Variants in AUTS2 observed in about 807,000 individuals in gnomAD.
AUTS2 encodes autism susceptibility gene 2 protein.
AUTS2 carries 17 observed loss-of-function variants against 112.4 expected under a neutral mutation model. The observed-to-expected ratio is 0.15, with a 90% CI of 0.10 to 0.23. The LOEUF (loss-of-function observed/expected upper bound fraction) is 0.23, where lower values mean the gene tolerates loss of function less well. Among genes scored for constraint, AUTS2 ranks in the 10% least tolerant of loss-of-function variants. The pLI, the probability that AUTS2 is intolerant of heterozygous loss-of-function variation, is 1.00. For synonymous variants in AUTS2, 751 were observed against 702.7 expected, an observed-to-expected ratio of 1.07 and a Z score of -1.09; for missense variants, 1,510 against 1,701.6, an observed-to-expected ratio of 0.89 and a Z score of 1.98.
chr7:70,137,635 C>T (rs865900392), intron 4 of AUTS2, among the ~76,000 whole-genome samples: 4 of 152,062 alleles, frequency 2.6e-5, no homozygotes, highest in Admixed American at 1.3e-4. Flanking sequence ...GACCTTGGTC[C>T]GGTTATTTTA....
rs1791902472 is a variant in AUTS2 at position 70,790,871 on chromosome 7, G to A, written c.3655G>A (p.Ala1219Thr). ...NKTPPTAALS[A>T]PPPLISTLGG... ...GACCCCTCCGACAGCAGCGCTGAGC[G>A]CACCTCCCCCGCTCATCTCCACGCT... Residue 1219 changes from alanine (A) to threonine (T), a missense_variant, in exon 19 of 19, where the codon GCA becomes ACA. Physicochemically the swap from Ala to Thr is moderately conservative, Grantham distance 58. Coordinates refer to ENST00000342771, the MANE Select transcript of AUTS2 (RefSeq NM_015570.4). The surrounding 1 kb of genome is among the most constrained non-coding windows in gnomAD (Gnocchi z 7.6). 1.9e-6 allele frequency: 3 copies of A among 1,604,632 alleles called. No individual in the cohort carries two copies. The highest frequency in any genetic ancestry group is 8.5e-7 in the Non-Finnish European group (1 of 1,175,202).
Position 70,615,604 on chromosome 7 carries a change from G to GTT in AUTS2, c.691-82965_691-82964insTT, listed in dbSNP as rs59395515. On this transcript the variant is annotated intron_variant, in intron 5 of 18. Transcript: ENST00000342771. ...TGTTGTTGTTGTTGTTGTTGTTGTTGGAAAAGCATTTATTCTCTTTAGGAG... is the reference window on the plus strand; with the variant it reads ...TGTTGTTGTTGTTGTTGTTGTTGTTGTTGAAAAGCATTTATTCTCTTTAGGAG... Among the ~76,000 whole-genome samples, 478 of 148,922 alleles carry GTT rather than the reference G, an allele frequency of 3.2e-3. 2 individuals carry two copies. The highest frequency in any genetic ancestry group is 5.3e-3 in the Non-Finnish European group (355 of 67,614).
At chr7:70,635,327 C>T (rs1178989966) in intron 5 of AUTS2, among the ~76,000 whole-genome samples, 2 of 152,192 alleles carry the variant, frequency 1.3e-5, no homozygotes, top group Non-Finnish European at 1.5e-5. Context: ...CCAGTGAGGC[C>T]TTCTGAACAT....
intron 1 of AUTS2, among the ~76,000 whole-genome samples, chr7:69,629,476 T>C (rs1212074160): frequency 2.6e-5 from 4 of 152,212 alleles, no homozygotes; most frequent in Non-Finnish European, 5.9e-5. Flanking sequence ...GTCCAGCTTC[T>C]TAACTCCTCT....
Position 69,740,944 on chromosome 7 carries a change from G to A in AUTS2, c.309+140982G>A, listed in dbSNP as rs73438137. Among the ~76,000 whole-genome samples, 893 of 152,254 alleles carry A rather than the reference G, an allele frequency of 5.9e-3. 12 individuals carry two copies. The highest frequency in any genetic ancestry group is 0.018 in the African/African-American group (734 of 41,544). ...ATTTTTAGGCAAAATTTAAAGTGGC[G>A]ATGGGCTTGGATAGTTCTAGCAATA... On this transcript the variant is annotated intron_variant, in intron 1 of 18. Coordinates refer to ENST00000342771, the MANE Select transcript of AUTS2 (RefSeq NM_015570.4).
intron 6 of AUTS2, among the ~76,000 whole-genome samples, chr7:70,740,297 C>T (rs564893125): frequency 6.0e-4 from 92 of 152,350 alleles, no homozygotes; most frequent in Non-Finnish European, 1.1e-3. Context: ...GGACCTTACA[C>T]GTGGTGCTAT....
intron 1 of AUTS2, among the ~76,000 whole-genome samples, chr7:69,711,504 A>C (rs910136717): frequency 2.6e-5 from 4 of 152,056 alleles, no homozygotes; most frequent in Admixed American, 1.3e-4. Context: ...TCTTGGGAAA[A>C]CCACTGTGGT....
intron 5 of AUTS2, among the ~76,000 whole-genome samples, chr7:70,642,226 G>T (rs1275214583): frequency 6.6e-6 from 1 of 152,146 alleles, no homozygotes; most frequent in African/African-American, 2.4e-5. Context: ...ATGGGTCATT[G>T]GCTATTATTT....
intron 1 of AUTS2, among the ~76,000 whole-genome samples, chr7:69,685,745 A>T (rs1029219358): frequency 1.7e-4 from 26 of 150,110 alleles, no homozygotes; most frequent in African/African-American, 5.9e-4. Context: ...TTAAATAGAG[A>T]CAATGTCTCA....
At chr7:70,447,830 C>T (rs1339938501) in intron 5 of AUTS2, among the ~76,000 whole-genome samples, 1 of 152,180 alleles carries the variant, frequency 6.6e-6, no homozygotes, top group African/African-American at 2.4e-5. Flanking sequence ...ATTAATAAGT[C>T]CCATTTGCAG....
intron 6 of AUTS2, among the ~76,000 whole-genome samples, chr7:70,727,554 G>A (rs1363445334): frequency 6.6e-6 from 1 of 152,038 alleles, no homozygotes; most frequent in African/African-American, 2.4e-5. Flanking sequence ...CAACATGTTG[G>A]CCAGGCTGGT....
At chr7:69,919,967 T>C (rs1156770397) in intron 2 of AUTS2, among the ~76,000 whole-genome samples, 1 of 151,650 alleles carries the variant, frequency 6.6e-6, no homozygotes, top group Admixed American at 6.6e-5. Flanking sequence ...AGTGGGTACA[T>C]TAGATTGAAA....
At chr7:69,613,118 A>G (rs749543363) in intron 1 of AUTS2, among the ~76,000 whole-genome samples, 1 of 152,234 alleles carries the variant, frequency 6.6e-6, no homozygotes, top group East Asian at 1.9e-4. Flanking sequence ...CAGGATCAGT[A>G]TAAGAGAGGC....
chr7:70,509,486 A>G lies in AUTS2; in HGVS notation c.690+73705A>G, dbSNP rs578181773. Among the ~76,000 whole-genome samples, 31 of 152,300 alleles carry G rather than the reference A, an allele frequency of 2.0e-4. 1 individual carries two copies. The South Asian group carries it at 6.4e-3, about 32-fold the overall frequency. ...AACCATGTTAAGTATTTTTCCATGGATTATTTCATTTAATCCTTATAACAG... is the reference window on the plus strand; with the variant it reads ...AACCATGTTAAGTATTTTTCCATGGGTTATTTCATTTAATCCTTATAACAG... On this transcript the variant is annotated intron_variant, in intron 5 of 18. Coordinates refer to ENST00000342771, the MANE Select transcript of AUTS2 (RefSeq NM_015570.4).
At chr7:69,709,229 C>A (rs1798200506) in intron 1 of AUTS2, among the ~76,000 whole-genome samples, 1 of 152,194 alleles carries the variant, frequency 6.6e-6, no homozygotes. Flanking sequence ...TGGCATTAAT[C>A]TTTGCGAAAC....
chr7:70,242,688 T>G (rs1448871063), intron 4 of AUTS2, among the ~76,000 whole-genome samples: 1 of 152,164 alleles, frequency 6.6e-6, no homozygotes, highest in Non-Finnish European at 1.5e-5. Flanking sequence ...TCTCATCCCT[T>G]CATCTTCTTA....
chr7:69,843,407 A>G (rs1040121650), intron 1 of AUTS2, among the ~76,000 whole-genome samples: 5 of 152,104 alleles, frequency 3.3e-5, no homozygotes, highest in Non-Finnish European at 7.4e-5. Context: ...AACAACAGGT[A>G]TATATAAGAG....
intron 4 of AUTS2, among the ~76,000 whole-genome samples, chr7:70,152,905 A>T (rs544357865): frequency 1.3e-5 from 2 of 152,316 alleles, no homozygotes; most frequent in African/African-American, 4.8e-5. Context: ...ACTCTTTTAC[A>T]CACTAGTGGG....
intron 4 of AUTS2, among the ~76,000 whole-genome samples, chr7:70,230,069 C>T (rs574141561): frequency 6.6e-6 from 1 of 151,908 alleles, no homozygotes; most frequent in South Asian, 2.1e-4. Flanking sequence ...ATGTAGGCTC[C>T]CTCAGAGATA....
Sources: allele counts gnomAD v4.1 joint callset (sites outside exome capture counted in the v4.1 genomes callset), GRCh38; gene constraint gnomAD v4.1.1; non-coding constraint Gnocchi (gnomAD v3.1); transcripts MANE v1.5; gene names NCBI Gene and HGNC (gene_info 2026-07-23, HGNC 2026-07-21).